The following TCF7L2 variants were observed in gnomAD, a reference collection of about 807,000 sequenced individuals.
The protein encoded by TCF7L2 is transcription factor 7-like 2.
In TCF7L2, 23 loss-of-function variants were observed where a neutral mutation model predicts 77.9. That is an observed-to-expected ratio of 0.30 (90% CI 0.21 to 0.42). The LOEUF (loss-of-function observed/expected upper bound fraction) is 0.42, where lower values mean the gene tolerates loss of function less well. Ranked by LOEUF, TCF7L2 falls within the 10% of genes least tolerant of loss-of-function variation. The pLI is 1.00. For missense variants in TCF7L2, 654 were observed against 793.1 expected, an observed-to-expected ratio of 0.82 and a Z score of 2.11; for synonymous variants, 413 against 340.2, an observed-to-expected ratio of 1.21 and a Z score of -2.36.
intron 4 of TCF7L2, among the ~76,000 whole-genome samples, chr10:112,973,195 G>A (rs1410641959): frequency 1.3e-5 from 2 of 152,328 alleles, no homozygotes; most frequent in East Asian, 3.9e-4. Flanking sequence ...TCCACCCCCA[G>A]GGTGTCAGGT....
intron 5 of TCF7L2, among the ~76,000 whole-genome samples, chr10:113,075,860 A>T (rs1050071906): frequency 6.6e-6 from 1 of 152,072 alleles, no homozygotes; most frequent in Non-Finnish European, 1.5e-5. Context: ...TAAAGACAGG[A>T]TCTTACAGCC....
At chr10:112,985,860 T>TTGTGTGTGTG (rs61481377) in intron 4 of TCF7L2, among the ~76,000 whole-genome samples, 12,349 of 146,568 alleles carry the variant, frequency 0.084, 653 homozygotes, top group Admixed American at 0.12. Flanking sequence ...AGCCTGTAGT[T>TTGTGTGTGTG]TGTGTGTGTG....
At chr10:113,074,076 G>A (rs2058429123) in intron 5 of TCF7L2, among the ~76,000 whole-genome samples, 1 of 152,150 alleles carries the variant, frequency 6.6e-6, no homozygotes, top group Admixed American at 6.5e-5. Flanking sequence ...TGGGGCGGTC[G>A]CAGGCTGACT....
At chr10:113,129,543 G>A in intron 5 of TCF7L2, 2 of 1,015,992 alleles carry the variant, frequency 2.0e-6, no homozygotes, top group Non-Finnish European at 2.4e-6. Flanking sequence ...TAGATTATTA[G>A]TGGACTTTTT....
At position 112,986,069 on chromosome 10, in the gene TCF7L2, C is replaced by T. The variant is rs116593313; in HGVS notation, c.450+21445C>T. ...ATTTTCCTGGGTAATTCTGCACCCC[C>T]GCTCCCACCTTTACAGAAACACTAA... On this transcript the variant is annotated intron_variant, in intron 4 of 13. Transcript: ENST00000627217. 8.7e-3 allele frequency among the ~76,000 whole-genome samples: 1,318 copies of T among 151,762 alleles called. 19 individuals carry two copies. The highest frequency in any genetic ancestry group is 0.03 in the African/African-American group (1,222 of 41,370).
chr10:113,087,652 G>A (rs1489049697), intron 5 of TCF7L2, among the ~76,000 whole-genome samples: 2 of 151,810 alleles, frequency 1.3e-5, no homozygotes, highest in African/African-American at 2.4e-5. Context: ...GGTGGAGAAC[G>A]GAGTACTTCC....
intron 5 of TCF7L2, among the ~76,000 whole-genome samples, chr10:113,059,150 T>C (rs1326468299): frequency 6.6e-6 from 1 of 152,164 alleles, no homozygotes; most frequent in African/African-American, 2.4e-5. Flanking sequence ...TGATGTACAC[T>C]TTTTGTTTTT....
intron 11 of TCF7L2, among the ~76,000 whole-genome samples, chr10:113,154,205 G>C (rs560197768): frequency 2.6e-5 from 4 of 152,310 alleles, no homozygotes; most frequent in South Asian, 2.1e-4. Flanking sequence ...TCTCCCACAG[G>C]CTTGCTGTTC....
intron 5 of TCF7L2, among the ~76,000 whole-genome samples, chr10:113,132,360 T>TAA (rs1367372685): frequency 6.6e-6 from 1 of 152,234 alleles, no homozygotes; most frequent in African/African-American, 2.4e-5. Context: ...AAGACCTTTT[T>TAA]ATGCAGCTGT....
intron 5 of TCF7L2, among the ~76,000 whole-genome samples, chr10:113,098,464 T>C (rs1261769352): frequency 1.3e-5 from 2 of 152,250 alleles, no homozygotes; most frequent in African/African-American, 2.4e-5. Flanking sequence ...CCCAGCACTT[T>C]GGGAGGCCGA....
intron 5 of TCF7L2, among the ~76,000 whole-genome samples, chr10:113,059,350 C>G (rs114701127): frequency 2.6e-5 from 4 of 151,004 alleles, no homozygotes; most frequent in East Asian, 1.9e-4. Context: ...TCCCACCCCC[C>G]ACCCTTTTTG....
At chr10:112,968,319 TTCCTCCTCA>T (rs1203903337) in intron 4 of TCF7L2, among the ~76,000 whole-genome samples, 1 of 152,174 alleles carries the variant, frequency 6.6e-6, no homozygotes, top group African/African-American at 2.4e-5. Flanking sequence ...CTTCCTCCTC[TTCCTCCTCA>T]GCCAACTCAT....
intron 4 of TCF7L2, among the ~76,000 whole-genome samples, chr10:112,978,768 C>T (rs903664440): frequency 1.3e-5 from 2 of 151,564 alleles, no homozygotes; most frequent in South Asian, 2.1e-4. Context: ...TGTGAGCCAC[C>T]GCGCCCGGCC....
intron 5 of TCF7L2, among the ~76,000 whole-genome samples, chr10:113,140,755 G>A (rs984071795): frequency 3.9e-5 from 6 of 152,132 alleles, no homozygotes; most frequent in African/African-American, 1.4e-4. Context: ...CTTGTAAGTG[G>A]TGGTTTTCCT....
At chr10:113,094,668 A>G (rs1008708313) in intron 5 of TCF7L2, among the ~76,000 whole-genome samples, 1 of 152,256 alleles carries the variant, frequency 6.6e-6, no homozygotes, top group Non-Finnish European at 1.5e-5. Context: ...AGGTGGGATC[A>G]TACTATACAT....
intron 5 of TCF7L2, among the ~76,000 whole-genome samples, chr10:113,041,698 T>A (rs1590889561): frequency 1.3e-5 from 2 of 152,230 alleles, no homozygotes; most frequent in East Asian, 3.9e-4. Context: ...TAAAAAAAAA[T>A]TCTTAACAAA....
At chr10:113,136,983 G>T (rs1032093127) in intron 5 of TCF7L2, among the ~76,000 whole-genome samples, 2 of 150,932 alleles carry the variant, frequency 1.3e-5, no homozygotes, top group African/African-American at 4.9e-5. Context: ...AAAGGCCCTT[G>T]CCCTGATCTG....
intron 13 of TCF7L2, among the ~76,000 whole-genome samples, chr10:113,164,964 T>C (rs1394894448): frequency 6.6e-6 from 1 of 152,126 alleles, no homozygotes; most frequent in Non-Finnish European, 1.5e-5. Flanking sequence ...TGCCTTCAGC[T>C]ATGTGGGCTC....
intron 11 of TCF7L2, among the ~76,000 whole-genome samples, chr10:113,157,212 G>C (rs2072107683): frequency 6.6e-6 from 1 of 152,194 alleles, no homozygotes; most frequent in African/African-American, 2.4e-5. Context: ...TCCGCCTTCT[G>C]GGTTCAGGCG....
Sources: gnomAD v4.1 joint callset for allele counts (sites outside exome capture counted in the v4.1 genomes callset) on GRCh38, gnomAD v4.1.1 for gene constraint, MANE v1.5 for transcripts, NCBI Gene and HGNC (gene_info 2026-07-23, HGNC 2026-07-21) for gene names.